ZSCAN4: variants seen among roughly 807,000 people sequenced by gnomAD.
The protein encoded by ZSCAN4 is zinc finger and SCAN domain containing 4, also known as zinc finger and SCAN domain-containing protein 4.
ZSCAN4 carries 18 observed loss-of-function variants against 18.3 expected under a neutral mutation model. That is an observed-to-expected ratio of 0.98 (90% CI 0.68 to 1.46). The LOEUF (loss-of-function observed/expected upper bound fraction) is 1.46, where lower values mean the gene tolerates loss of function less well. ZSCAN4 is among the 40% of genes most tolerant of loss of function. The pLI is 0.00. For synonymous variants in ZSCAN4, 193 were observed against 180.3 expected, an observed-to-expected ratio of 1.07 and a Z score of -0.57; for missense variants, 498 against 511.4, an observed-to-expected ratio of 0.97 and a Z score of 0.25.
At chr19:57,678,561 G>T in exon 5 of ZSCAN4, 2 of 1,614,074 alleles carry the variant, frequency 1.2e-6, no homozygotes, top group Non-Finnish European at 1.7e-6. Flanking sequence ...ATGCCCCAAG[G>T]TCTTTAAGTA....
chr19:57,666,324 C>T (rs1410903575), upstream of ZSCAN4, among the ~76,000 whole-genome samples: 4 of 152,134 alleles, frequency 2.6e-5, no homozygotes, highest in Non-Finnish European at 4.4e-5. Flanking sequence ...GCTTCGCGTG[C>T]TGGCTCTCCA....
chr19:57,653,016 C>T, the ZSCAN4 span, among the ~76,000 whole-genome samples: 6 of 152,106 alleles, frequency 3.9e-5, no homozygotes, highest in Admixed American at 3.9e-4. Flanking sequence ...CCAGTTGGGG[C>T]CTTCGTTGTC....
chr19:57,655,201 G>A, the ZSCAN4 span, among the ~76,000 whole-genome samples: 9 of 152,230 alleles, frequency 5.9e-5, no homozygotes, highest in East Asian at 1.7e-3. Flanking sequence ...AGCCTTGTGG[G>A]ATACTTCTGG....
At chr19:57,655,024 A>G in the ZSCAN4 span, among the ~76,000 whole-genome samples, 2 of 152,192 alleles carry the variant, frequency 1.3e-5, no homozygotes, top group Non-Finnish European at 2.9e-5. Context: ...AACTTTCTCC[A>G]TTCTTGGGGA....
the ZSCAN4 span, among the ~76,000 whole-genome samples, chr19:57,651,709 C>G: frequency 6.6e-6 from 1 of 152,174 alleles, no homozygotes. Flanking sequence ...ACCTGGGAAG[C>G]AGTGAGCAGC....
chr19:57,660,494 CTG>C, the ZSCAN4 span, among the ~76,000 whole-genome samples: 1 of 152,178 alleles, frequency 6.6e-6, no homozygotes, highest in Non-Finnish European at 1.5e-5. Flanking sequence ...GCAGAAGACT[CTG>C]AACATTTTTC....
At chr19:57,661,831 C>G in the ZSCAN4 span, among the ~76,000 whole-genome samples, 1 of 152,134 alleles carries the variant, frequency 6.6e-6, no homozygotes, top group Admixed American at 6.5e-5. Flanking sequence ...CCTGTAACCC[C>G]AGCACTTTGG....
At chr19:57,658,944 C>T in the ZSCAN4 span, among the ~76,000 whole-genome samples, 1 of 151,738 alleles carries the variant, frequency 6.6e-6, no homozygotes, top group Non-Finnish European at 1.5e-5. Flanking sequence ...TACAATAACT[C>T]ATGGTCCATT....
chr19:57,670,882 G>C (rs199765131), intron 2 of ZSCAN4, among the ~76,000 whole-genome samples: 1 of 100,978 alleles, frequency 9.9e-6, no homozygotes, highest in Non-Finnish European at 2.3e-5. Flanking sequence ...TTTTTTTTTC[G>C]AGACAAGATC....
At chr19:57,678,618 C>T in exon 5 of ZSCAN4, 1 of 1,613,990 alleles carries the variant, frequency 6.2e-7, no homozygotes, top group Non-Finnish European at 8.5e-7. Flanking sequence ...GAATGAGAGG[C>T]CATTTGTTTG....
chr19:57,664,619 G>C (rs1402246673), upstream of ZSCAN4: 1 of 183,708 alleles, frequency 5.4e-6, no homozygotes, highest in Non-Finnish European at 1.2e-5. Flanking sequence ...TCTGACTCCA[G>C]GGCTGGCAGG....
chr19:57,667,156 G>C, upstream of ZSCAN4, among the ~76,000 whole-genome samples: 1 of 152,294 alleles, frequency 6.6e-6, no homozygotes, highest in South Asian at 2.1e-4. Context: ...AAATTACTAT[G>C]TGGATTTCAC....
chr19:57,663,821 A>G, the ZSCAN4 span, among the ~76,000 whole-genome samples: 3 of 151,942 alleles, frequency 2.0e-5, no homozygotes, highest in Non-Finnish European at 2.9e-5. Context: ...ATTGTAATAA[A>G]ACGATTTTGA....
In ZSCAN4 at chr19:57,676,581, GA is replaced by G; in HGVS notation, c.396+43del. 1.3e-6 allele frequency: 2 copies of G among 1,551,080 alleles called. 1 individual carries two copies. The highest frequency in any genetic ancestry group is 4.1e-5 in the Admixed American group (2 of 48,816). On this transcript the variant is annotated intron_variant, in intron 3 of 4. Coordinates refer to ENST00000318203, the Ensembl canonical transcript of ZSCAN4. ...CTAACTTCTGGGATGAGAGACAAAG[GA>G]AAGTAAGGAATAAATCACAGTCAGT...
upstream of ZSCAN4, among the ~76,000 whole-genome samples, chr19:57,666,993 A>G (rs551181104): frequency 1.9e-4 from 29 of 152,188 alleles, no homozygotes; most frequent in Middle Eastern, 3.4e-3. Context: ...TATTTTCCTC[A>G]CTCACACTGG....
the ZSCAN4 span, among the ~76,000 whole-genome samples, chr19:57,656,571 T>A: frequency 6.6e-6 from 1 of 152,130 alleles, no homozygotes; most frequent in African/African-American, 2.4e-5. Flanking sequence ...TTAAACCACC[T>A]CCTTTCTCCA....
At chr19:57,667,079 A>G (rs1983875959), upstream of ZSCAN4, among the ~76,000 whole-genome samples, 1 of 152,220 alleles carries the variant, frequency 6.6e-6, no homozygotes, top group Non-Finnish European at 1.5e-5. Flanking sequence ...CAAAGGCAGC[A>G]CTACCTGCCT....
At chr19:57,674,469 C>T (rs1332838589) in intron 2 of ZSCAN4, among the ~76,000 whole-genome samples, 1 of 152,204 alleles carries the variant, frequency 6.6e-6, no homozygotes, top group Non-Finnish European at 1.5e-5. Context: ...TAATGGCCTC[C>T]AGCTCCAACT....
intron 2 of ZSCAN4, among the ~76,000 whole-genome samples, chr19:57,675,029 A>G (rs1984136028): frequency 7.0e-6 from 1 of 142,822 alleles, no homozygotes; most frequent in South Asian, 2.2e-4. Context: ...ATCCTGGCTC[A>G]TTGCCACGCC....
Sources: allele counts gnomAD v4.1 joint callset (sites outside exome capture counted in the v4.1 genomes callset), GRCh38; gene constraint gnomAD v4.1.1; transcripts MANE v1.5; gene names NCBI Gene and HGNC (gene_info 2026-07-23, HGNC 2026-07-21).